The following MEI4 variants were observed in gnomAD, a reference collection of about 807,000 sequenced individuals.
The protein encoded by MEI4 is meiotic double-stranded break formation protein 4.
In MEI4, 27 loss-of-function variants were observed where a neutral mutation model predicts 31.4. That is an observed-to-expected ratio of 0.86 (90% CI 0.63 to 1.19). MEI4 has a LOEUF of 1.19. Ranked by LOEUF, MEI4 falls within the 50% of genes most tolerant of loss-of-function variation. The pLI is 0.00. For missense variants in MEI4, 329 were observed against 398.9 expected (o/e 0.82, Z 1.49); for synonymous variants, 122 against 145.4 (o/e 0.84, Z 1.16).
chr6:77,791,408 A>T (rs931335813), intron 3 of MEI4, among the ~76,000 whole-genome samples: 1 of 151,396 alleles, frequency 6.6e-6, no homozygotes, highest in Non-Finnish European at 1.5e-5. Flanking sequence ...GGAAATCATC[A>T]TTCTCAGTAA....
At chr6:77,675,724 A>G (rs912204051) in intron 1 of MEI4, among the ~76,000 whole-genome samples, 1 of 152,132 alleles carries the variant, frequency 6.6e-6, no homozygotes, top group Non-Finnish European at 1.5e-5. Context: ...AACCATAGAT[A>G]TAACATCAAT....
intron 4 of MEI4, among the ~76,000 whole-genome samples, chr6:77,850,475 A>G (rs1466727945): frequency 2.6e-5 from 4 of 152,178 alleles, no homozygotes; most frequent in Admixed American, 1.3e-4. Flanking sequence ...CCTCAGAAAT[A>G]ATACCACACA....
At chr6:77,800,211 A>G (rs6914237) in intron 3 of MEI4, among the ~76,000 whole-genome samples, 79,694 of 151,532 alleles carry the variant, frequency 0.53, 22,411 homozygotes, top group East Asian at 0.75. Flanking sequence ...GGTCTTTCAC[A>G]TACCTTGTAA....
At chr6:77,678,785 G>T (rs769958671) in intron 1 of MEI4, among the ~76,000 whole-genome samples, 1 of 152,074 alleles carries the variant, frequency 6.6e-6, no homozygotes, top group African/African-American at 2.4e-5. Flanking sequence ...CTGCAAGAAG[G>T]CGTTATCAAA....
intron 4 of MEI4, among the ~76,000 whole-genome samples, chr6:77,869,856 G>C (rs1231010692): frequency 1.3e-5 from 2 of 152,150 alleles, no homozygotes; most frequent in Non-Finnish European, 2.9e-5. Context: ...TAAATATTTG[G>C]TGAATACGAG....
At chr6:77,828,904 TA>T in intron 3 of MEI4, 26 bp from the exon 4 acceptor site, 1 of 1,231,354 alleles carries the variant, frequency 8.1e-7, no homozygotes, top group Non-Finnish European at 1.0e-6. Flanking sequence ...TGATGGAATA[TA>T]GAAACCTACT....
At chr6:77,755,838 G>C (rs868491204) in intron 2 of MEI4, among the ~76,000 whole-genome samples, 1 of 148,482 alleles carries the variant, frequency 6.7e-6, no homozygotes, top group Non-Finnish European at 1.5e-5. Flanking sequence ...GTGTGTGTGT[G>C]TGTGTGTGTG....
In MEI4 at chr6:77,729,276, G is replaced by A. The variant is rs574177072; in HGVS notation, c.233-31854G>A. Among the ~76,000 whole-genome samples the A allele has an allele frequency of 4.5e-4, 68 of 152,282 alleles. No individual in the cohort carries two copies. The South Asian group carries it at 0.014, about 32-fold the overall frequency. ...CCATTACTGGAACTCTAAGCATGTGGGAGTTAATTATATCCTACTGCTCAA... is the reference window on the plus strand; with the variant it reads ...CCATTACTGGAACTCTAAGCATGTGAGAGTTAATTATATCCTACTGCTCAA... On this transcript the variant is annotated intron_variant, in intron 2 of 4. Coordinates refer to ENST00000684080, the MANE Select transcript of MEI4 (RefSeq NM_001322247.2).
At chr6:77,693,527 C>CA (rs1259092400) in intron 2 of MEI4, among the ~76,000 whole-genome samples, 1 of 151,882 alleles carries the variant, frequency 6.6e-6, no homozygotes, top group Non-Finnish European at 1.5e-5. Context: ...GAAAAATTTT[C>CA]AAAAAATCAT....
chr6:77,665,553 G>A (rs997163466), intron 1 of MEI4, among the ~76,000 whole-genome samples: 1 of 152,184 alleles, frequency 6.6e-6, no homozygotes, highest in South Asian at 2.1e-4. Context: ...CAGAAGAGCG[G>A]GATTTGCTGC....
intron 2 of MEI4, among the ~76,000 whole-genome samples, chr6:77,733,996 T>C (rs995771285): frequency 2.0e-5 from 3 of 152,096 alleles, no homozygotes; most frequent in African/African-American, 7.3e-5. Flanking sequence ...TGAGAGATAG[T>C]TTGTTATAAT....
At chr6:77,895,658 T>C (rs771546191) in intron 4 of MEI4, among the ~76,000 whole-genome samples, 68 of 152,154 alleles carry the variant, frequency 4.5e-4, no homozygotes, top group Admixed American at 7.9e-4. Context: ...CTTAGATATA[T>C]ACCAGGGACT....
chr6:77,697,009 C>T lies in MEI4; in HGVS notation c.232+6106C>T, dbSNP rs540142036. Among the ~76,000 whole-genome samples, 1,476 of 152,138 alleles carry T rather than the reference C, an allele frequency of 9.7e-3. 23 individuals carry two copies. Among genetic ancestry groups the T allele is most frequent in the African/African-American group, 0.032 (1,332 of 41,482 alleles). On this transcript the variant is annotated intron_variant, in intron 2 of 4. Coordinates refer to ENST00000684080, the MANE Select transcript of MEI4 (RefSeq NM_001322247.2). Reference sequence around the variant, plus strand: ...TTTAGTCTTGGGAGAGTGTATGTGTCGAGGAATTTATCCATTTCTTCTAGA... The same window carrying T: ...TTTAGTCTTGGGAGAGTGTATGTGTTGAGGAATTTATCCATTTCTTCTAGA...
At chr6:77,652,491 A>G (rs1768317733), upstream of MEI4, among the ~76,000 whole-genome samples, 1 of 152,134 alleles carries the variant, frequency 6.6e-6, no homozygotes, top group Non-Finnish European at 1.5e-5. Context: ...CCTGAACATT[A>G]TTACGTATTG....
intron 4 of MEI4, among the ~76,000 whole-genome samples, chr6:77,905,475 CTTT>C (rs70974691): frequency 6.4e-5 from 6 of 93,340 alleles, no homozygotes; most frequent in African/African-American, 2.3e-4. Context: ...AAATTTTCAG[CTTT>C]TTTTTTTTTT....
Position 77,653,107 on chromosome 6 carries a change from C to T in MEI4, c.-15+15C>T, listed in dbSNP as rs1271326727. On this transcript the variant is annotated intron_variant, in intron 1 of 4. Coordinates refer to ENST00000684080, the MANE Select transcript of MEI4 (RefSeq NM_001322247.2). Reference sequence around the variant, plus strand: ...TCTGTTTACTGGTGAGCTGGTTCTCCACTCTTGAGCACTTGAAATGTATTT... The same window carrying T: ...TCTGTTTACTGGTGAGCTGGTTCTCTACTCTTGAGCACTTGAAATGTATTT... Among the ~76,000 whole-genome samples the T allele has an allele frequency of 6.6e-6, 1 of 152,166 alleles. No individual in the cohort carries two copies. The highest frequency in any genetic ancestry group is 2.4e-5 in the African/African-American group (1 of 41,448).
intron 2 of MEI4, among the ~76,000 whole-genome samples, chr6:77,736,296 G>A (rs977181853): frequency 2.0e-4 from 31 of 151,956 alleles, no homozygotes; most frequent in Non-Finnish European, 3.8e-4. Flanking sequence ...GACTCCGTGG[G>A]CGTATTACCC....
intron 2 of MEI4, among the ~76,000 whole-genome samples, chr6:77,703,072 C>T (rs1286317083): frequency 6.6e-6 from 1 of 152,156 alleles, no homozygotes; most frequent in Non-Finnish European, 1.5e-5. Flanking sequence ...CCTTGTGAGA[C>T]CCAAACTCTA....
At chr6:77,692,614 T>C (rs1468893997) in intron 2 of MEI4, among the ~76,000 whole-genome samples, 1 of 151,918 alleles carries the variant, frequency 6.6e-6, no homozygotes, top group Non-Finnish European at 1.5e-5. Context: ...AAATTCAGAG[T>C]AGACACTTTA....
Sources: gnomAD v4.1 joint callset for allele counts (sites outside exome capture counted in the v4.1 genomes callset) on GRCh38, gnomAD v4.1.1 for gene constraint, MANE v1.5 for transcripts, NCBI Gene and HGNC (gene_info 2026-07-23, HGNC 2026-07-21) for gene names.